Variants in ZC3H13 observed in about 807,000 individuals in gnomAD.
ZC3H13 encodes zinc finger CCCH-type containing 13, also known as zinc finger CCCH domain-containing protein 13.
ZC3H13 carries 64 observed loss-of-function variants against 204.1 expected under a neutral mutation model. The observed-to-expected ratio is 0.31, with a 90% CI of 0.26 to 0.39. ZC3H13 has a LOEUF of 0.39. Ranked by LOEUF, ZC3H13 falls within the 10% of genes least tolerant of loss-of-function variation. The pLI is 1.00. For missense variants in ZC3H13, 1,833 were observed against 2,082.7 expected, an observed-to-expected ratio of 0.88 and a Z score of 2.33; for synonymous variants, 667 against 693.7, an observed-to-expected ratio of 0.96 and a Z score of 0.60.
chr13:46,025,731 T>A (rs536623086), intron 4 of ZC3H13, among the ~76,000 whole-genome samples: 1 of 152,348 alleles, frequency 6.6e-6, no homozygotes, highest in South Asian at 2.1e-4. Flanking sequence ...TGAGCAGCTC[T>A]AGAATTAATG....
At chr13:46,027,712 G>A (rs1349869800) in intron 4 of ZC3H13, among the ~76,000 whole-genome samples, 2 of 152,130 alleles carry the variant, frequency 1.3e-5, no homozygotes, top group Non-Finnish European at 2.9e-5. Context: ...CTGTATTATA[G>A]ATGAAGTAGT....
intron 8 of ZC3H13, among the ~76,000 whole-genome samples, chr13:46,001,866 A>G (rs1464305145): frequency 1.3e-5 from 2 of 152,136 alleles, no homozygotes; most frequent in Non-Finnish European, 2.9e-5. Flanking sequence ...AATATAGAGT[A>G]TAGTCTAAGA....
At chr13:46,010,553 TACAACAAG>T in intron 6 of ZC3H13, 48 bp from the exon 7 acceptor site, 1 of 1,566,898 alleles carries the variant, frequency 6.4e-7, no homozygotes, top group Non-Finnish European at 8.7e-7. Context: ...CCACTTATGG[TACAACAAG>T]ACTTACAGTA....
rs140769313 is a variant in ZC3H13 at position 45,988,990 on chromosome 13, C to T, written c.1052G>A (p.Arg351Gln). 1.1e-5 allele frequency: 17 copies of T among 1,613,780 alleles called. No individual in the cohort carries two copies. The highest frequency in any genetic ancestry group is 8.0e-5 in the African/African-American group (6 of 74,856). Residue 351 changes from arginine (R) to glutamine (Q), a missense_variant, in exon 9 of 19, where the codon CGA becomes CAA. Transcript: ENST00000679008. ...ATAAGATGGTGAAGGAGTTCTTTTT[C>T]GACGAGGAGAAGGAGAATGTCTTTG... ...SIQRHSPSPR[R>Q]KRTPSPSYQR...
At chr13:45,966,524 C>G (rs1379606704) in intron 15 of ZC3H13, among the ~76,000 whole-genome samples, 1 of 152,084 alleles carries the variant, frequency 6.6e-6, no homozygotes, top group Non-Finnish European at 1.5e-5. Flanking sequence ...AGTGATTCAC[C>G]TATACATTTC....
At position 45,975,765 on chromosome 13, in the gene ZC3H13, T is replaced by C; in HGVS notation, c.1986A>G (p.Glu662=). 6.2e-7 allele frequency: 1 copy of C among 1,614,004 alleles called. No individual in the cohort carries two copies. The highest frequency in any genetic ancestry group is 8.5e-7 in the Non-Finnish European group (1 of 1,179,942). ...TATCATCCACTCTGTCTACTCTTCG[T>C]TCCTCTCTTCTTTCATCACGCTCAA... is the stretch of plus-strand genomic sequence containing the variant. The part of the protein sequence containing the change: ...DELERDERRE[E]RRVDRVDDRR... The change falls in exon 12 of 19, where the codon GAA becomes GAG. Residue 662 remains glutamate, a synonymous_variant. Transcript: ENST00000679008.
In ZC3H13 at chr13:45,989,111, CAAT is replaced by C; in HGVS notation, c.945-17_945-15del. 76 of 1,607,190 alleles carry C rather than the reference CAAT, an allele frequency of 4.7e-5. No homozygotes were observed. Among genetic ancestry groups the C allele is most frequent in the Non-Finnish European group, 6.4e-5 (75 of 1,175,080 alleles). On this transcript the variant is annotated splice_polypyrimidine_tract_variant and intron_variant, in intron 8 of 18. Transcript: ENST00000679008. The stretch of plus-strand genomic sequence containing the variant: ...GGGGAAGTAGACCTACAAGGGAAAA[CAAT>C]AACAATAAAACATGTATTCAAGAGC...
chr13:46,029,721 C>T (rs1430373362), intron 4 of ZC3H13, among the ~76,000 whole-genome samples: 1 of 151,988 alleles, frequency 6.6e-6, no homozygotes, highest in Non-Finnish European at 1.5e-5. Flanking sequence ...AGCCACCGCG[C>T]CCGGCCGAGA....
intron 5 of ZC3H13, among the ~76,000 whole-genome samples, chr13:46,013,141 C>T (rs1297427676): frequency 6.6e-6 from 1 of 152,150 alleles, no homozygotes; most frequent in African/African-American, 2.4e-5. Context: ...GTCAGCCAGG[C>T]GCAGTGGCTC....
At chr13:45,976,069 G>A (rs556141273) in intron 11 of ZC3H13, 29 of 822,978 alleles carry the variant, frequency 3.5e-5, no homozygotes, top group South Asian at 1.7e-4. Context: ...CCTGCTCCCC[G>A]TCAACCCCCT....
chr13:46,015,695 G>A (rs1451006783), intron 5 of ZC3H13, among the ~76,000 whole-genome samples: 1 of 152,052 alleles, frequency 6.6e-6, no homozygotes, highest in African/African-American at 2.4e-5. Context: ...GTGGGGCCTG[G>A]AAATACAAAG....
intron 4 of ZC3H13, among the ~76,000 whole-genome samples, chr13:46,027,662 A>T (rs776080405): frequency 5.9e-5 from 9 of 152,208 alleles, no homozygotes; most frequent in Non-Finnish European, 1.3e-4. Context: ...ATGCATTTAA[A>T]ATATCCCAGA....
intron 7 of ZC3H13, among the ~76,000 whole-genome samples, chr13:46,009,799 T>C (rs545224620): frequency 1.1e-4 from 17 of 152,208 alleles, no homozygotes; most frequent in South Asian, 6.2e-4. Flanking sequence ...TGATAATATA[T>C]ACTGAAAGAC....
chr13:45,962,335 T>A (rs1951749716), intron 17 of ZC3H13: 1 of 985,304 alleles, frequency 1.0e-6, no homozygotes, highest in Admixed American at 6.2e-5. Context: ...CATCAATAAG[T>A]AAGGGCCGAA....
chr13:46,015,564 T>C (rs1435861682), intron 5 of ZC3H13, among the ~76,000 whole-genome samples: 1 of 152,132 alleles, frequency 6.6e-6, no homozygotes, highest in Non-Finnish European at 1.5e-5. Context: ...TACCAAAATA[T>C]TTTCACACAT....
chr13:46,008,991 T>A (rs2041354322), intron 7 of ZC3H13, among the ~76,000 whole-genome samples: 1 of 151,966 alleles, frequency 6.6e-6, no homozygotes, highest in South Asian at 2.1e-4. Context: ...ATAACCAAGA[T>A]CCCAATCTTC....
At chr13:45,965,517 CATT>C in intron 15 of ZC3H13, 85 bp from the exon 16 acceptor site, 1 of 1,262,428 alleles carries the variant, frequency 7.9e-7, no homozygotes, top group South Asian at 2.0e-5. Flanking sequence ...AGGGTACACA[CATT>C]ATAACAATGT....
In ZC3H13 at chr13:45,979,620, A is replaced by G. The variant is rs918039960; in HGVS notation, c.1912+193T>C. Among the ~76,000 whole-genome samples the G allele has an allele frequency of 2.0e-5, 3 of 152,178 alleles. No homozygotes were observed. The East Asian group carries it at 5.8e-4, about 29-fold the overall frequency. On this transcript the variant is annotated intron_variant, in intron 11 of 18. Coordinates refer to ENST00000679008, the MANE Select transcript of ZC3H13 (RefSeq NM_001330564.2). ...ACTTTGTTGCCAGTAGGTACTGGTC[A>G]CTAGCTATTGACATAATCCCTCCTA... is the stretch of plus-strand genomic sequence containing the variant.
intron 14 of ZC3H13, 109 bp from the exon 15 acceptor site, chr13:45,968,137 A>T (rs1952250053): frequency 3.5e-6 from 4 of 1,157,084 alleles, no homozygotes; most frequent in Admixed American, 2.7e-5. Context: ...TCCATATTCT[A>T]TGTAACTTTC....
Sources: gnomAD v4.1 joint callset for allele counts (sites outside exome capture counted in the v4.1 genomes callset) on GRCh38, gnomAD v4.1.1 for gene constraint, MANE v1.5 for transcripts, NCBI Gene and HGNC (gene_info 2026-07-23, HGNC 2026-07-21) for gene names.